Variants in MYO3B observed in about 807,000 individuals in gnomAD.
The protein encoded by MYO3B is myosin IIIB, also known as myosin-IIIb.
Under a neutral mutation model 174.6 loss-of-function variants are expected in MYO3B, and 156 were observed. The ratio of observed to expected loss-of-function variants is 0.89; its 90% CI spans 0.78 to 1.02. MYO3B has a LOEUF of 1.02. MYO3B is among the 50% of genes least tolerant of loss of function. The pLI is 0.00. For missense variants in MYO3B, 1,632 were observed against 1,639.4 expected (o/e 1.00, Z 0.08); for synonymous variants, 563 against 569.1 (o/e 0.99, Z 0.15).
chr2:170,484,502 G>C (rs1199830519), intron 25 of MYO3B, among the ~76,000 whole-genome samples: 1 of 152,170 alleles, frequency 6.6e-6, no homozygotes, highest in African/African-American at 2.4e-5. Flanking sequence ...GTGTCATTGT[G>C]ATTTTTCCTC....
In MYO3B at chr2:170,206,690, C is replaced by T. The variant is rs2092716174; in HGVS notation, c.321+6406C>T. ...CAAGGCTTAGTCATTTGGGTACGTA[C>T]TCAGTTTTTTAGGGCCTCTTCTCTC... On this transcript the variant is annotated intron_variant, in intron 3 of 34. Transcript: ENST00000408978. This position sits in a 1 kb window ranked among gnomAD's most constrained non-coding sequence, Gnocchi z 4.3. 6.6e-6 allele frequency among the ~76,000 whole-genome samples: 1 copy of T among 152,136 alleles called. No homozygotes were observed. The highest frequency in any genetic ancestry group is 6.5e-5 in the Admixed American group (1 of 15,278).
intron 8 of MYO3B, among the ~76,000 whole-genome samples, chr2:170,359,847 T>C (rs1330404630): frequency 6.6e-6 from 1 of 152,256 alleles, no homozygotes; most frequent in Non-Finnish European, 1.5e-5. Flanking sequence ...ATTCTAATAC[T>C]TCTTTCTAAA....
At chr2:170,332,930 A>T (rs1288942742) in intron 7 of MYO3B, among the ~76,000 whole-genome samples, 1 of 152,158 alleles carries the variant, frequency 6.6e-6, no homozygotes, top group Non-Finnish European at 1.5e-5. Context: ...TAGAAGAGAG[A>T]TGCCCTTTCC....
At chr2:170,222,361 A>C (rs1226020609) in intron 6 of MYO3B, among the ~76,000 whole-genome samples, 1 of 152,236 alleles carries the variant, frequency 6.6e-6, no homozygotes, top group Non-Finnish European at 1.5e-5. Flanking sequence ...GCTGTAATCA[A>C]GTAGTACAAA....
chr2:170,250,813 A>G (rs748654376), intron 7 of MYO3B, among the ~76,000 whole-genome samples: 3 of 151,932 alleles, frequency 2.0e-5, no homozygotes, highest in Non-Finnish European at 4.4e-5. Flanking sequence ...GGAAGATGAT[A>G]TTCCCCTGGA....
At chr2:170,592,259 G>C (rs1199463412) in intron 32 of MYO3B, among the ~76,000 whole-genome samples, 2 of 152,128 alleles carry the variant, frequency 1.3e-5, no homozygotes, top group Non-Finnish European at 2.9e-5. Context: ...TCCCTAAAAA[G>C]CTTTATATTA....
At chr2:170,271,943 A>C (rs2093427993) in intron 7 of MYO3B, among the ~76,000 whole-genome samples, 1 of 152,148 alleles carries the variant, frequency 6.6e-6, no homozygotes, top group Non-Finnish European at 1.5e-5. Flanking sequence ...TCAGTATATA[A>C]TAATGTGAAA....
chr2:170,589,170 C>A (rs1362458031), intron 32 of MYO3B, among the ~76,000 whole-genome samples: 4 of 152,046 alleles, frequency 2.6e-5, no homozygotes, highest in African/African-American at 9.7e-5. Flanking sequence ...TTTTGCAGAC[C>A]TCAAGAAGCT....
intron 7 of MYO3B, among the ~76,000 whole-genome samples, chr2:170,284,722 T>A (rs1353668946): frequency 6.6e-6 from 1 of 152,212 alleles, no homozygotes; most frequent in Non-Finnish European, 1.5e-5. Flanking sequence ...AATAACGTTT[T>A]GAGAAAAAGG....
At chr2:170,547,399 A>G (rs1464617284) in intron 32 of MYO3B, among the ~76,000 whole-genome samples, 6 of 152,092 alleles carry the variant, frequency 3.9e-5, no homozygotes, top group Non-Finnish European at 8.8e-5. Flanking sequence ...ATTAAGAGAA[A>G]AGCACAATAT....
At chr2:170,440,299 T>TG (rs2094789733) in intron 22 of MYO3B, among the ~76,000 whole-genome samples, 1 of 152,172 alleles carries the variant, frequency 6.6e-6, no homozygotes, top group Non-Finnish European at 1.5e-5. Flanking sequence ...TTTTAGGATA[T>TG]TTTTTCTATC....
intron 1 of MYO3B, among the ~76,000 whole-genome samples, chr2:170,184,897 A>G (rs2092444641): frequency 6.6e-6 from 1 of 152,116 alleles, no homozygotes; most frequent in African/African-American, 2.4e-5. Flanking sequence ...CTGGGGTGAG[A>G]TGATATCTGA....
chr2:170,548,106 CAAAAAAAAAAAAAAAAA>C (rs10532249), intron 32 of MYO3B, among the ~76,000 whole-genome samples: 1 of 51,684 alleles, frequency 1.9e-5, no homozygotes, highest in Admixed American at 3.8e-4. Flanking sequence ...GACTCCGTCT[CAAAAAAAAAAAAAAAAA>C]AAAAAAAAAA....
chr2:170,604,956 C>T (rs903426082), intron 32 of MYO3B, among the ~76,000 whole-genome samples: 2 of 152,032 alleles, frequency 1.3e-5, no homozygotes, highest in African/African-American at 4.8e-5. Flanking sequence ...TTAATTTAGG[C>T]TTCTCCTCCC....
At chr2:170,200,882 C>T (rs1208439008) in intron 3 of MYO3B, among the ~76,000 whole-genome samples, 1 of 152,174 alleles carries the variant, frequency 6.6e-6, no homozygotes, top group Non-Finnish European at 1.5e-5. Flanking sequence ...GAATGTTGTC[C>T]TGAATTGTAT....
At chr2:170,461,299 G>A (rs1329546924) in intron 23 of MYO3B, among the ~76,000 whole-genome samples, 3 of 149,146 alleles carry the variant, frequency 2.0e-5, no homozygotes, top group Non-Finnish European at 4.5e-5. Context: ...ACATGGAGAA[G>A]CCCTGTCTCT....
intron 22 of MYO3B, among the ~76,000 whole-genome samples, chr2:170,412,728 T>C (rs540841382): frequency 1.3e-5 from 2 of 152,200 alleles, no homozygotes; most frequent in Non-Finnish European, 2.9e-5. Flanking sequence ...CATTTTCCAC[T>C]TATGGCTGTT....
At chr2:170,275,042 T>C (rs2093454210) in intron 7 of MYO3B, among the ~76,000 whole-genome samples, 1 of 152,184 alleles carries the variant, frequency 6.6e-6, no homozygotes, top group Admixed American at 6.5e-5. Context: ...TTCTGAGTAC[T>C]GATAAAAGCA....
At chr2:170,529,041 A>T (rs1431013308) in intron 30 of MYO3B, among the ~76,000 whole-genome samples, 1 of 152,228 alleles carries the variant, frequency 6.6e-6, no homozygotes, top group East Asian at 1.9e-4. Context: ...ATTCCAAAAA[A>T]TTGCTGTTTA....
Sources: gnomAD v4.1 joint callset for allele counts (sites outside exome capture counted in the v4.1 genomes callset) on GRCh38, gnomAD v4.1.1 for gene constraint, Gnocchi (gnomAD v3.1) non-coding constraint, MANE v1.5 for transcripts, NCBI Gene and HGNC (gene_info 2026-07-23, HGNC 2026-07-21) for gene names.